The following KCNJ4 variants were observed in gnomAD, a reference collection of about 807,000 sequenced individuals.
The protein encoded by KCNJ4 is potassium inwardly rectifying channel subfamily J member 4, also known as inward rectifier potassium channel 4.
KCNJ4 carries 3 observed loss-of-function variants against 25.6 expected under a neutral mutation model. The observed-to-expected ratio is 0.12, with a 90% CI of 0.05 to 0.30. The LOEUF (loss-of-function observed/expected upper bound fraction) is 0.30, where lower values mean the gene tolerates loss of function less well. Ranked by LOEUF, KCNJ4 falls within the 10% of genes least tolerant of loss-of-function variation. The probability of loss-of-function intolerance (pLI) is 1.00; values close to 1 mark genes in which losing one functional copy is unlikely to be tolerated. For missense variants in KCNJ4, 286 were observed against 666.8 expected, an observed-to-expected ratio of 0.43 and a Z score of 6.29; for synonymous variants, 257 against 283.9, an observed-to-expected ratio of 0.91 and a Z score of 0.95.
At chr22:38,432,469 C>T (rs1247733472) in intron 1 of KCNJ4, among the ~76,000 whole-genome samples, 2 of 152,082 alleles carry the variant, frequency 1.3e-5, no homozygotes, top group Admixed American at 1.3e-4. Flanking sequence ...TGGAGAGGCC[C>T]TCTGTCACAG....
intron 1 of KCNJ4, among the ~76,000 whole-genome samples, chr22:38,439,286 G>T (rs1019616461): frequency 6.6e-6 from 1 of 151,990 alleles, no homozygotes; most frequent in Non-Finnish European, 1.5e-5. Context: ...ACAAAAACTA[G>T]CCGGGCATGG....
intron 1 of KCNJ4, among the ~76,000 whole-genome samples, chr22:38,433,562 C>G (rs1280981442): frequency 6.6e-6 from 1 of 152,210 alleles, no homozygotes; most frequent in Non-Finnish European, 1.5e-5. Flanking sequence ...AGCTATCCTC[C>G]TGCCTCGGTC....
At chr22:38,453,154 TTC>T (rs919030353) in intron 1 of KCNJ4, among the ~76,000 whole-genome samples, 1 of 152,092 alleles carries the variant, frequency 6.6e-6, no homozygotes, top group Non-Finnish European at 1.5e-5. Flanking sequence ...AGCTACTTCA[TTC>T]TCTCTTTCGC....
intron 1 of KCNJ4, 81 bp from the exon 2 acceptor site, chr22:38,428,252 C>G (rs2093039206): frequency 7.6e-7 from 1 of 1,310,108 alleles, no homozygotes; most frequent in Non-Finnish European, 1.0e-6. Flanking sequence ...CCCCAAGACT[C>G]TCAGAAGCAG....
chr22:38,434,833 C>G (rs756801355), intron 1 of KCNJ4, among the ~76,000 whole-genome samples: 137 of 152,224 alleles, frequency 9.0e-4, no homozygotes, highest in Non-Finnish European at 1.7e-3. Flanking sequence ...TCAGCTCTGT[C>G]ACCTCCCAGC....
intron 1 of KCNJ4, among the ~76,000 whole-genome samples, chr22:38,454,486 C>T (rs771589248): frequency 2.0e-5 from 3 of 152,208 alleles, no homozygotes; most frequent in Non-Finnish European, 2.9e-5. Flanking sequence ...CTCTACCAAT[C>T]CCTGCCCCTG....
intron 1 of KCNJ4, 85 bp from the exon 2 acceptor site, chr22:38,428,256 G>A: frequency 1.6e-6 from 2 of 1,268,432 alleles, no homozygotes; most frequent in Non-Finnish European, 2.2e-6. Flanking sequence ...AAGACTCTCA[G>A]AAGCAGGTGA....
chr22:38,438,699 GAAAA>G (rs1296004682), intron 1 of KCNJ4, among the ~76,000 whole-genome samples: 5 of 121,988 alleles, frequency 4.1e-5, no homozygotes, highest in South Asian at 6.8e-4. Flanking sequence ...AAAAAAAAAA[GAAAA>G]AAAGAAAGAA....
At chr22:38,442,696 C>T (rs1222876950) in intron 1 of KCNJ4, among the ~76,000 whole-genome samples, 3 of 152,178 alleles carry the variant, frequency 2.0e-5, no homozygotes, top group African/African-American at 4.8e-5. Context: ...GCTGCCAAGG[C>T]GAACAGTGTG....
chr22:38,454,071 AACACAC>A (rs372059015), intron 1 of KCNJ4, among the ~76,000 whole-genome samples: 1 of 151,472 alleles, frequency 6.6e-6, no homozygotes, highest in Non-Finnish European at 1.5e-5. Flanking sequence ...TGTGGGGGAG[AACACAC>A]ACACACACGG....
At chr22:38,440,107 A>C (rs540350092) in intron 1 of KCNJ4, among the ~76,000 whole-genome samples, 149 of 150,908 alleles carry the variant, frequency 9.9e-4, no homozygotes, top group Non-Finnish European at 1.2e-3. Flanking sequence ...CAAAAAAAAA[A>C]AAAAGAAATA....
At chr22:38,436,705 ATTTACTCAGTAC>A (rs951201275) in intron 1 of KCNJ4, among the ~76,000 whole-genome samples, 8 of 152,144 alleles carry the variant, frequency 5.3e-5, no homozygotes, top group African/African-American at 1.9e-4. Context: ...TTGAGCACGC[ATTTACTCAGTAC>A]TTTACCCTGA....
rs1393212415 is a variant in KCNJ4 at position 38,443,144 on chromosome 22, A to T, written c.-40+11836T>A. 6.6e-6 allele frequency among the ~76,000 whole-genome samples: 1 copy of T among 151,926 alleles called. No individual in the cohort carries two copies. Among genetic ancestry groups the T allele is most frequent in the African/African-American group, 2.4e-5 (1 of 41,322 alleles). ...GCCCCCTTCCCTCTCAGCAGCTCTG[A>T]TGGAGGCTCTGGACTGGCCCTCGTT... On this transcript the variant is annotated intron_variant, in intron 1 of 1. Transcript: ENST00000303592. The surrounding 1 kb of genome is among the most constrained non-coding windows in gnomAD (Gnocchi z 4.1).
intron 1 of KCNJ4, among the ~76,000 whole-genome samples, chr22:38,439,774 CAAAA>C (rs112130946): frequency 7.1e-5 from 6 of 85,104 alleles, no homozygotes; most frequent in Admixed American, 1.4e-4. Flanking sequence ...GACTCCATCT[CAAAA>C]AAAAAAAAAA....
intron 1 of KCNJ4, among the ~76,000 whole-genome samples, chr22:38,428,626 G>T (rs2093040058): frequency 6.6e-6 from 1 of 152,038 alleles, no homozygotes; most frequent in Admixed American, 6.6e-5. Context: ...ACATCCTCCT[G>T]TGCACTAGCC....
intron 1 of KCNJ4, among the ~76,000 whole-genome samples, chr22:38,444,474 T>C (rs780594363): frequency 2.6e-5 from 4 of 152,198 alleles, no homozygotes; most frequent in Non-Finnish European, 5.9e-5. Context: ...GAGGACAGGA[T>C]GTCAGAGGGC....
chr22:38,440,136 G>A (rs575337746), intron 1 of KCNJ4, among the ~76,000 whole-genome samples: 11 of 152,214 alleles, frequency 7.2e-5, no homozygotes, highest in Admixed American at 3.3e-4. Context: ...CTAGCCAGGT[G>A]TATTGGCTCA....
rs558528343 is a variant in KCNJ4, at chr22:38,454,338, AG to A, written c.-40+641del. On this transcript the variant is annotated intron_variant, in intron 1 of 1. Coordinates refer to ENST00000303592, the MANE Select transcript of KCNJ4 (RefSeq NM_152868.3). ...TGACACTGGTGGGGGGACATTTGGC[AG>A]GTTGCAGGGGAAGTTCTCCCTGCGG... is the stretch of plus-strand genomic sequence containing the variant. Among the ~76,000 whole-genome samples the A allele has an allele frequency of 3.4e-4, 52 of 152,254 alleles. 1 individual carries two copies. In the South Asian group the frequency reaches 0.01, roughly 30 times the overall value.
intron 1 of KCNJ4, among the ~76,000 whole-genome samples, chr22:38,446,500 C>G (rs767289802): frequency 6.6e-6 from 1 of 152,160 alleles, no homozygotes; most frequent in Non-Finnish European, 1.5e-5. Flanking sequence ...GCTCAGCTGT[C>G]CAGAGAAGTG....
Sources: allele counts gnomAD v4.1 joint callset (sites outside exome capture counted in the v4.1 genomes callset), GRCh38; gene constraint gnomAD v4.1.1; non-coding constraint Gnocchi (gnomAD v3.1); transcripts MANE v1.5; gene names NCBI Gene and HGNC (gene_info 2026-07-23, HGNC 2026-07-21).